PLCXD1: variants seen among roughly 807,000 people sequenced by gnomAD.
PLCXD1 encodes PI-PLC X domain-containing protein 1.
Under a neutral mutation model 37.8 loss-of-function variants are expected in PLCXD1, and 45 were observed. That is an observed-to-expected ratio of 1.19 (90% CI 0.94 to 1.53). The LOEUF (loss-of-function observed/expected upper bound fraction) is 1.53, where lower values mean the gene tolerates loss of function less well. Ranked by LOEUF, PLCXD1 falls within the 40% of genes most tolerant of loss-of-function variation. The pLI is 0.00. For missense variants in PLCXD1, 539 were observed against 454.7 expected, an observed-to-expected ratio of 1.19 and a Z score of -1.69; for synonymous variants, 246 against 206.9, an observed-to-expected ratio of 1.19 and a Z score of -1.62.
upstream of PLCXD1, among the ~76,000 whole-genome samples, chrX:278,258 A>G (rs765514371): frequency 1.4e-3 from 209 of 150,952 alleles, 1 homozygote; most frequent in African/African-American, 4.6e-3. Flanking sequence ...GAGGGGAGGG[A>G]CTGTGACGGG....
chrX:286,141 C>T (rs1244627783), intron 2 of PLCXD1, among the ~76,000 whole-genome samples: 6 of 151,694 alleles, frequency 4.0e-5, no homozygotes, highest in African/African-American at 9.7e-5. Flanking sequence ...CTCAGCTCAT[C>T]GCAACCTCTG....
At chrX:291,964 G>C in intron 5 of PLCXD1, among the ~76,000 whole-genome samples, 1 of 151,962 alleles carries the variant, frequency 6.6e-6, no homozygotes, top group South Asian at 2.1e-4. Context: ...TCAAGAGATC[G>C]AGACTATCCT....
chrX:287,301 T>A (rs1032086796), intron 2 of PLCXD1, among the ~76,000 whole-genome samples: 1 of 144,860 alleles, frequency 6.9e-6, no homozygotes, highest in Non-Finnish European at 1.5e-5. Flanking sequence ...AAATATATGA[T>A]ACATAAGTAC....
rs1317152214 is a variant in PLCXD1, at chrX:291,608, T to C, written c.503T>C (p.Val168Ala). 1.9e-6 allele frequency: 3 copies of C among 1,612,982 alleles called. No homozygotes were observed. Among genetic ancestry groups the C allele is most frequent in the Non-Finnish European group, 2.5e-6 (3 of 1,179,858 alleles). ...AGCGAGGACCTGCACGAGTACCTGGTCGCCTGTATCAAGAACATCTTCGGG... is the reference window on the plus strand; with the variant it reads ...AGCGAGGACCTGCACGAGTACCTGGCCGCCTGTATCAAGAACATCTTCGGG... ...GLSEDLHEYL[V>A]ACIKNIFGDM... The change falls in exon 5 of 7, where the codon GTC (valine) becomes GCC (alanine). Residue 168 changes from valine (V) to alanine (A), a missense_variant. Physicochemically the swap from Val to Ala is moderately conservative, Grantham distance 64 (BLOSUM62 0). Coordinates refer to ENST00000381657, the MANE Select transcript of PLCXD1 (RefSeq NM_018390.4).
intron 1 of PLCXD1, chrX:283,963 C>A: frequency 3.8e-6 from 2 of 532,526 alleles, no homozygotes; most frequent in Non-Finnish European, 3.4e-6. Flanking sequence ...CTCACTGTAA[C>A]CTCCACCTCC....
intron 2 of PLCXD1, among the ~76,000 whole-genome samples, chrX:286,897 C>T (rs2069464373): frequency 6.6e-6 from 1 of 151,828 alleles, no homozygotes; most frequent in African/African-American, 2.4e-5. Context: ...TGGTCTCCTT[C>T]CTTAACACCT....
chrX:290,571 CA>C, intron 3 of PLCXD1, 76 bp from the exon 4 acceptor site: 3 of 1,538,856 alleles, frequency 1.9e-6, no homozygotes, highest in Non-Finnish European at 2.7e-6. Context: ...GCGGGTGGGC[CA>C]ACCCCACAGC....
Position 299,150 on chromosome X carries a change from G to T in PLCXD1, c.787G>T (p.Ala263Ser), listed in dbSNP as rs755835103. Reference sequence around the variant, plus strand: ...CACGGAGAACCTGCAGTACGTTCTGGCGCACCCGTCCGAGTCCCTGGAGAA... The same window carrying T: ...CACGGAGAACCTGCAGTACGTTCTGTCGCACCCGTCCGAGTCCCTGGAGAA... ...NLTENLQYVL[A>S]HPSESLEKMT... The change falls in exon 7 of 7, where the codon GCG becomes TCG. Residue 263 changes from alanine to serine, a missense_variant. Ala to Ser is a moderately conservative substitution (Grantham distance 99, BLOSUM62 1). Coordinates refer to ENST00000381657, the MANE Select transcript of PLCXD1 (RefSeq NM_018390.4). The T allele has an allele frequency of 6.2e-7, 1 of 1,613,930 alleles. No homozygotes were observed. The highest frequency in any genetic ancestry group is 1.1e-5 in the South Asian group (1 of 91,072).
At chrX:292,042 T>C (rs1478990905) in intron 5 of PLCXD1, among the ~76,000 whole-genome samples, 19 of 135,830 alleles carry the variant, frequency 1.4e-4, no homozygotes, top group South Asian at 7.4e-4. Flanking sequence ...TGGCTCACGC[T>C]TGTCATCCCA....
In PLCXD1 at chrX:302,055, T is replaced by C. The variant is rs1244217966; in HGVS notation, c.*2720T>C. On this transcript the variant is annotated 3_prime_UTR_variant, in exon 7 of 7. Coordinates refer to ENST00000381657, the MANE Select transcript of PLCXD1 (RefSeq NM_018390.4). ...ATCCTCAGCCGTTCCCTAGTCCTGT[T>C]GCCCGGTTCTGCCGAAGCCCCTTGA... 2.0e-5 allele frequency: 3 copies of C among 152,318 alleles called. No homozygotes were observed. Among genetic ancestry groups the C allele is most frequent in the Admixed American group, 6.5e-5 (1 of 15,280 alleles). 9.4% of individuals were successfully genotyped at this position (152,318 alleles called of 1,614,324 possible). A position where few individuals can be genotyped will look rare whatever the true frequency, so the allele number is the denominator to read the frequency against.
Position 288,809 on chromosome X carries a change from G to T in PLCXD1, c.204G>T (p.Leu68=). ...ISHEESRLLQ[L]LNKALPCITR... The stretch of plus-strand genomic sequence containing the variant: ...ACGAGGAGTCCCGGCTGCTGCAGCT[G>T]CTGAACAAGGCCTTGCCCTGCATCA... Residue 68 remains leucine (L), a synonymous_variant, in exon 3 of 7, where the codon CTG becomes CTT. Transcript: ENST00000381657. The T allele has an allele frequency of 6.2e-7, 1 of 1,613,778 alleles. No individual in the cohort carries two copies. The highest frequency in any genetic ancestry group is 8.5e-7 in the Non-Finnish European group (1 of 1,179,720).
In PLCXD1 at chrX:291,603, C is replaced by T; in HGVS notation, c.498C>T (p.Tyr166=). The T allele has an allele frequency of 2.5e-6, 4 of 1,612,990 alleles. No individual in the cohort carries two copies. The highest frequency in any genetic ancestry group is 3.4e-6 in the Non-Finnish European group (4 of 1,179,842). ...FEGLSEDLHE[Y]LVACIKNIFG... ...GGCTGAGCGAGGACCTGCACGAGTA[C>T]CTGGTCGCCTGTATCAAGAACATCT... The change falls in exon 5 of 7, where the codon TAC becomes TAT. Residue 166 remains tyrosine (Y), a synonymous_variant. Transcript: ENST00000381657.
In PLCXD1 at chrX:300,400, CTG is replaced by C. The variant is rs1183474499; in HGVS notation, c.*1071_*1072del. The C allele has an allele frequency of 6.7e-6, 1 of 149,054 alleles. No individual in the cohort carries two copies. Among genetic ancestry groups the C allele is most frequent in the South Asian group, 2.1e-4 (1 of 4,766 alleles). The allele number at this position is 149,054 out of a possible 1,614,324, so 9.2% of individuals were successfully genotyped here. ...TGTGTATATATGTGTGTTTATGTGTCTGTGTGTATATATGTGTATATATCGGT... is the reference window on the plus strand; with the variant it reads ...TGTGTATATATGTGTGTTTATGTGTCTGTGTATATATGTGTATATATCGGT... On this transcript the variant is annotated 3_prime_UTR_variant, in exon 7 of 7. Transcript: ENST00000381657.
rs1489850915 is a variant in PLCXD1, at chrX:302,873, C to CTA, written c.*3541_*3542dup. The CTA allele has an allele frequency of 1.3e-5, 2 of 152,328 alleles. No homozygotes were observed. Among genetic ancestry groups the CTA allele is most frequent in the Non-Finnish European group, 2.9e-5 (2 of 68,038 alleles). 9.4% of individuals were successfully genotyped at this position (152,328 alleles called of 1,614,324 possible). A position where few individuals can be genotyped will look rare whatever the true frequency, so the allele number is the denominator to read the frequency against. ...ACAGGCGTGAGCCACCGCGCCCGGC[C>CTA]TATACCTCATTTTCTACATGTCGCT... On this transcript the variant is annotated 3_prime_UTR_variant, in exon 7 of 7. Coordinates refer to ENST00000381657, the MANE Select transcript of PLCXD1 (RefSeq NM_018390.4).
In PLCXD1 at chrX:287,650, A is replaced by G. The variant is rs867850218; in HGVS notation, c.128-1083A>G. On this transcript the variant is annotated intron_variant, in intron 2 of 6. Transcript: ENST00000381657. The stretch of plus-strand genomic sequence containing the variant: ...GTTTATATATAGATATAGATACTAT[A>G]TATGTTTATGGATATAGATACTATA... Among the ~76,000 whole-genome samples the G allele has an allele frequency of 4.3e-5, 4 of 93,944 alleles. 2 individuals carry two copies. Among genetic ancestry groups the G allele is most frequent in the Non-Finnish European group, 9.7e-5 (4 of 41,360 alleles). The allele number at this position is 93,944 out of a possible 152,430, so 61.6% of individuals were successfully genotyped here.
chrX:284,222 C>A lies in PLCXD1; in HGVS notation c.35C>A (p.Ser12Ter). 6.2e-7 allele frequency: 1 copy of A among 1,613,510 alleles called. No individual in the cohort carries two copies. Among genetic ancestry groups the A allele is most frequent in the Non-Finnish European group, 8.5e-7 (1 of 1,179,766 alleles). The stretch of plus-strand genomic sequence containing the variant: ...CAGGTGAGCGCTTCCAACAGCTTCT[C>A]GAGGCTGCACTGCAGAAATGCCAAC... ...GGQVSASNSFSRLHCRNANED... is the reference protein window; with the variant it reads ...GGQVSASNSF The change falls in exon 2 of 7, where the codon TCG (serine) becomes TAG (stop). Residue 12 changes from serine to a stop codon, truncating the protein, a stop_gained. Coordinates refer to ENST00000381657, the MANE Select transcript of PLCXD1 (RefSeq NM_018390.4). LOFTEE classifies it high-confidence loss of function.
Position 300,712 on chromosome X carries a change from A to G in PLCXD1, c.*1377A>G, listed in dbSNP as rs1437826498. 6.6e-6 allele frequency: 1 copy of G among 151,860 alleles called. No individual in the cohort carries two copies. 9.4% of individuals were successfully genotyped at this position (151,860 alleles called of 1,614,324 possible). A position where few individuals can be genotyped will look rare whatever the true frequency, so the allele number is the denominator to read the frequency against. The stretch of plus-strand genomic sequence containing the variant: ...TATGTGTATATATATATATGTGTAT[A>G]TATATATTTTTTGAGGAGTCTCACT... On this transcript the variant is annotated 3_prime_UTR_variant, in exon 7 of 7. Coordinates refer to ENST00000381657, the MANE Select transcript of PLCXD1 (RefSeq NM_018390.4).
chrX:296,362 A>T (rs2069808355), intron 6 of PLCXD1, among the ~76,000 whole-genome samples: 1 of 151,716 alleles, frequency 6.6e-6, no homozygotes, highest in Non-Finnish European at 1.5e-5. Flanking sequence ...TGACCTCATG[A>T]TCCACCGGCC....
intron 2 of PLCXD1, among the ~76,000 whole-genome samples, chrX:285,999 G>T (rs1257468337): frequency 6.6e-6 from 1 of 152,076 alleles, no homozygotes; most frequent in African/African-American, 2.4e-5. Context: ...GTGGCATCGA[G>T]CACTGATCGC....
Sources: gnomAD v4.1 joint callset for allele counts (sites outside exome capture counted in the v4.1 genomes callset) on GRCh38, gnomAD v4.1.1 for gene constraint, MANE v1.5 for transcripts, NCBI Gene and HGNC (gene_info 2026-07-23, HGNC 2026-07-21) for gene names.